RNF6: variants seen among roughly 807,000 people sequenced by gnomAD.
The protein encoded by RNF6 is E3 ubiquitin-protein ligase RNF6.
A neutral mutation model predicts 50.1 loss-of-function variants in RNF6; 21 were observed. The ratio of observed to expected loss-of-function variants is 0.42; its 90% CI spans 0.30 to 0.60. The LOEUF (loss-of-function observed/expected upper bound fraction) is 0.60, where lower values mean the gene tolerates loss of function less well. RNF6 is among the 20% of genes least tolerant of loss of function. The pLI is 0.20. For synonymous variants in RNF6, 255 were observed against 291.8 expected, an observed-to-expected ratio of 0.87 and a Z score of 1.29; for missense variants, 698 against 838.2, an observed-to-expected ratio of 0.83 and a Z score of 2.07.
At chr13:26,163,229 G>A (rs184794109) in intron 5 of RNF6, among the ~76,000 whole-genome samples, 2,267 of 152,030 alleles carry the variant, frequency 0.015, 64 homozygotes, top group African/African-American at 0.051. Context: ...GGAGAATGGC[G>A]TGAACCCGGG....
At position 26,162,596 on chromosome 13, in the gene RNF6, T is replaced by C. The variant is rs182480722; in HGVS notation, n.769-30145A>G. Among the ~76,000 whole-genome samples, 15 of 152,334 alleles carry C rather than the reference T, an allele frequency of 9.8e-5. No individual in the cohort carries two copies. The East Asian group carries it at 2.5e-3, about 25-fold the overall frequency. ...TCAAAATGAAACATTCATTAAGGCA[T>C]GCTTTTCCTCAATGGATGAGAATAC... On this transcript the variant is annotated intron_variant and non_coding_transcript_variant, in intron 5 of 5. Transcript: ENST00000468480.
chr13:26,155,245 G>A (rs1047972370), intron 5 of RNF6, among the ~76,000 whole-genome samples: 1 of 152,126 alleles, frequency 6.6e-6, no homozygotes, highest in Non-Finnish European at 1.5e-5. Flanking sequence ...CCCCAGCCTG[G>A]GTGGCAAAGC....
At chr13:26,201,909 T>A (rs1339211177) in intron 5 of RNF6, among the ~76,000 whole-genome samples, 1 of 152,134 alleles carries the variant, frequency 6.6e-6, no homozygotes, top group African/African-American at 2.4e-5. Flanking sequence ...CAGCTGTGGA[T>A]CTGCTTGGAA....
At chr13:26,152,145 C>T (rs966018573) in intron 5 of RNF6, among the ~76,000 whole-genome samples, 1 of 152,214 alleles carries the variant, frequency 6.6e-6, no homozygotes, top group African/African-American at 2.4e-5. Context: ...ACTTCATATA[C>T]TAGAGAAAAA....
intron 5 of RNF6, among the ~76,000 whole-genome samples, chr13:26,204,353 C>G (rs933411464): frequency 6.6e-6 from 1 of 151,536 alleles, no homozygotes; most frequent in African/African-American, 2.4e-5. Flanking sequence ...AAAAATTAGC[C>G]GGGCATGGTG....
chr13:26,170,370 C>T (rs78545974), intron 5 of RNF6, among the ~76,000 whole-genome samples: 3 of 152,294 alleles, frequency 2.0e-5, no homozygotes, highest in East Asian at 3.9e-4. Context: ...TCCCCTGACT[C>T]GTTGACGGTC....
Position 26,213,266 on chromosome 13 carries a change from A to G in RNF6, c.*558T>C, listed in dbSNP as rs1285930037. 7 of 152,630 alleles carry G rather than the reference A, an allele frequency of 4.6e-5. No homozygotes were observed. Among genetic ancestry groups the G allele is most frequent in the Non-Finnish European group, 1.0e-4 (7 of 68,026 alleles). The allele number at this position is 152,630 out of a possible 1,614,324, so 9.5% of individuals were successfully genotyped here. On this transcript the variant is annotated 3_prime_UTR_variant, in exon 5 of 5. Transcript: ENST00000381588. ...GCTTAAATAAGAACCAAACTTGTAG[A>G]CTGAATATTTTAACCTTAAAATTAT... is the stretch of plus-strand genomic sequence containing the variant.
Position 26,221,265 on chromosome 13 carries a change from A to G in RNF6, c.-36T>C, listed in dbSNP as rs1870457232. 1 of 152,168 alleles carries G rather than the reference A, an allele frequency of 6.6e-6. No homozygotes were observed. Among genetic ancestry groups the G allele is most frequent in the Non-Finnish European group, 1.5e-5 (1 of 68,026 alleles). 9.4% of individuals were successfully genotyped at this position (152,168 alleles called of 1,614,324 possible). ...GCGAATACCTTATTTTCCTTTCAAC[A>G]CGCTTTTAACATATGCCATGGTATC... On this transcript the variant is annotated 5_prime_UTR_variant, in exon 2 of 5. Coordinates refer to ENST00000381588, the MANE Select transcript of RNF6 (RefSeq NM_005977.4).
intron 5 of RNF6, among the ~76,000 whole-genome samples, chr13:26,174,815 C>T (rs1378840643): frequency 6.6e-6 from 1 of 152,088 alleles, no homozygotes; most frequent in Non-Finnish European, 1.5e-5. Flanking sequence ...GGGCTCCATG[C>T]TGTCCCTCCC....
intron 5 of RNF6, among the ~76,000 whole-genome samples, chr13:26,174,170 T>G (rs1166927739): frequency 6.6e-6 from 1 of 152,088 alleles, no homozygotes; most frequent in African/African-American, 2.4e-5. Flanking sequence ...TTTCAATTTA[T>G]TGTTTCTCTG....
intron 5 of RNF6, among the ~76,000 whole-genome samples, chr13:26,152,390 C>A (rs1486426595): frequency 1.3e-5 from 2 of 152,194 alleles, no homozygotes; most frequent in African/African-American, 4.8e-5. Flanking sequence ...GTTTCTCCTT[C>A]TGTAATGCTT....
intron 5 of RNF6, among the ~76,000 whole-genome samples, chr13:26,198,061 A>G (rs1868741539): frequency 6.6e-6 from 1 of 151,720 alleles, no homozygotes; most frequent in Non-Finnish European, 1.5e-5. Flanking sequence ...ATACATACAT[A>G]CATACATATG....
intron 5 of RNF6, among the ~76,000 whole-genome samples, chr13:26,184,942 C>T (rs9512144): frequency 0.48 from 73,498 of 151,942 alleles, 19,426 homozygotes; most frequent in Non-Finnish European, 0.61. Flanking sequence ...CTCCAAAGTG[C>T]GCTGCAGGAA....
rs566967782 is a variant in RNF6, at chr13:26,152,619, G to A, written n.769-20168C>T. Among the ~76,000 whole-genome samples the A allele has an allele frequency of 4.2e-4, 64 of 152,134 alleles. 1 individual carries two copies. The highest frequency in any genetic ancestry group is 5.9e-5 in the Non-Finnish European group (4 of 68,028). Reference sequence around the variant, plus strand: ...GACACATGCTATGTGTCCTCTACACGTGTTTACTGAATCGAATTCTCCCGT... The same window carrying A: ...GACACATGCTATGTGTCCTCTACACATGTTTACTGAATCGAATTCTCCCGT... On this transcript the variant is annotated intron_variant and non_coding_transcript_variant, in intron 5 of 5. Coordinates refer to the RNF6 transcript ENST00000468480.
At chr13:26,167,717 T>C (rs1199017357) in intron 5 of RNF6, among the ~76,000 whole-genome samples, 1 of 152,180 alleles carries the variant, frequency 6.6e-6, no homozygotes, top group Non-Finnish European at 1.5e-5. Context: ...CAAAGGAATA[T>C]AAATTGTTCT....
In RNF6 at chr13:26,170,800, T is replaced by C. The variant is rs374908589; in HGVS notation, n.769-38349A>G. ...AACCAACTGAATTAACTTACAAAGG[T>C]TGGAGAAAGGGAATATTGGAGCCAC... On this transcript the variant is annotated intron_variant and non_coding_transcript_variant, in intron 5 of 5. Coordinates refer to the RNF6 transcript ENST00000468480. Among the ~76,000 whole-genome samples, 12 of 152,264 alleles carry C rather than the reference T, an allele frequency of 7.9e-5. No homozygotes were observed. The East Asian group carries it at 1.9e-3, about 24-fold the overall frequency.
chr13:26,149,949 TGTGTATATATATATACACA>T (rs1188929454), intron 5 of RNF6, among the ~76,000 whole-genome samples: 1 of 93,740 alleles, frequency 1.1e-5, no homozygotes. Flanking sequence ...GTATATATAA[TGTGTATATATATATACACA>T]GTGTATATAT....
At chr13:26,140,360 G>A (rs2137553580) in intron 5 of RNF6, among the ~76,000 whole-genome samples, 1 of 152,264 alleles carries the variant, frequency 6.6e-6, no homozygotes, top group South Asian at 2.1e-4. Context: ...AAAGATTTAT[G>A]AACAGCCAAA....
chr13:26,217,413 A>G (rs1869999330), intron 4 of RNF6, among the ~76,000 whole-genome samples: 1 of 152,224 alleles, frequency 6.6e-6, no homozygotes, highest in Non-Finnish European at 1.5e-5. Flanking sequence ...CTCTTCTTCC[A>G]TTGTAAAAGC....
Sources: allele counts gnomAD v4.1 joint callset (sites outside exome capture counted in the v4.1 genomes callset), GRCh38; gene constraint gnomAD v4.1.1; transcripts MANE v1.5; gene names NCBI Gene and HGNC (gene_info 2026-07-23, HGNC 2026-07-21).